PCCA: variants seen among roughly 807,000 people sequenced by gnomAD.
PCCA encodes propionyl-CoA carboxylase alpha chain, mitochondrial.
A neutral mutation model predicts 101.3 loss-of-function variants in PCCA; 74 were observed. The observed-to-expected ratio is 0.73, with a 90% CI of 0.61 to 0.89. The LOEUF is 0.89. Among genes scored for constraint, PCCA ranks in the 40% least tolerant of loss-of-function variants. The pLI, the probability that PCCA is intolerant of heterozygous loss-of-function variation, is 0.00. For missense variants in PCCA, 891 were observed against 907.0 expected, an observed-to-expected ratio of 0.98 and a Z score of 0.23; for synonymous variants, 294 against 313.6, an observed-to-expected ratio of 0.94 and a Z score of 0.66.
intron 20 of PCCA, among the ~76,000 whole-genome samples, chr13:100,428,362 C>T (rs968320649): frequency 8.2e-5 from 12 of 145,840 alleles, no homozygotes; most frequent in Admixed American, 2.1e-4. Context: ...ACCCCCCCCA[C>T]ACCCTCAGCC....
intron 4 of PCCA, among the ~76,000 whole-genome samples, chr13:100,125,260 T>C (rs2049845011): frequency 6.6e-6 from 1 of 152,186 alleles, no homozygotes; most frequent in Non-Finnish European, 1.5e-5. Flanking sequence ...TGTTTCACAG[T>C]TGGTCTTAAT....
intron 6 of PCCA, among the ~76,000 whole-genome samples, chr13:100,185,117 GT>G (rs1242812153): frequency 3.9e-5 from 6 of 152,188 alleles, no homozygotes; most frequent in African/African-American, 1.4e-4. Flanking sequence ...CCCTTTGCAT[GT>G]TCCCTTCAAA....
At chr13:100,123,166 A>G (rs1017710341) in intron 4 of PCCA, among the ~76,000 whole-genome samples, 1 of 151,642 alleles carries the variant, frequency 6.6e-6, no homozygotes, top group Non-Finnish European at 1.5e-5. Flanking sequence ...AAGCATTCTC[A>G]TGCCTCAGCC....
chr13:100,315,692 G>T (rs1411427525), intron 16 of PCCA, among the ~76,000 whole-genome samples: 2 of 152,178 alleles, frequency 1.3e-5, no homozygotes, highest in African/African-American at 4.8e-5. Flanking sequence ...TTTGGAACCA[G>T]CAGGCAGTCA....
intron 1 of PCCA, among the ~76,000 whole-genome samples, chr13:100,089,689 C>T (rs1329802780): frequency 6.6e-6 from 1 of 152,186 alleles, no homozygotes; most frequent in East Asian, 1.9e-4. Context: ...GTGAGTTTGT[C>T]TTATCTTTTA....
chr13:100,485,589 T>C (rs1177264582), intron 21 of PCCA, among the ~76,000 whole-genome samples: 1 of 152,228 alleles, frequency 6.6e-6, no homozygotes, highest in Admixed American at 6.5e-5. Context: ...TGTTAATTTT[T>C]CTGGCAAGAG....
At chr13:100,321,603 G>GTA (rs2068051060) in intron 16 of PCCA, among the ~76,000 whole-genome samples, 1 of 133,860 alleles carries the variant, frequency 7.5e-6, no homozygotes, top group South Asian at 2.3e-4. Context: ...GTGTGTGTGT[G>GTA]TGTGTGTGTG....
At chr13:100,154,235 C>T (rs1165433500) in intron 4 of PCCA, among the ~76,000 whole-genome samples, 1 of 152,132 alleles carries the variant, frequency 6.6e-6, no homozygotes, top group Non-Finnish European at 1.5e-5. Flanking sequence ...CCTTTTAGAA[C>T]TAAGCAGTTT....
At chr13:100,386,939 A>C (rs2076542456) in intron 19 of PCCA, among the ~76,000 whole-genome samples, 1 of 152,146 alleles carries the variant, frequency 6.6e-6, no homozygotes, top group Non-Finnish European at 1.5e-5. Flanking sequence ...TTTTTAAAAA[A>C]CATTTCAAAA....
intron 6 of PCCA, among the ~76,000 whole-genome samples, chr13:100,167,067 A>G (rs1446697012): frequency 6.6e-6 from 1 of 152,170 alleles, no homozygotes; most frequent in Non-Finnish European, 1.5e-5. Flanking sequence ...TGTCTTATTT[A>G]GACATATTAG....
chr13:100,481,349 G>C (rs1286153881), intron 21 of PCCA, among the ~76,000 whole-genome samples: 4 of 152,050 alleles, frequency 2.6e-5, no homozygotes, highest in Non-Finnish European at 5.9e-5. Context: ...CTTGAGCTCG[G>C]GAGTTTGAGA....
chr13:100,114,567 T>C (rs1329943828), intron 4 of PCCA, among the ~76,000 whole-genome samples: 5 of 152,068 alleles, frequency 3.3e-5, no homozygotes, highest in Admixed American at 1.3e-4. Flanking sequence ...CACTGCGCTG[T>C]AGCGTGGGCG....
At chr13:100,443,305 A>G (rs191697620) in intron 20 of PCCA, among the ~76,000 whole-genome samples, 86 of 152,202 alleles carry the variant, frequency 5.7e-4, no homozygotes, top group African/African-American at 2.0e-3. Flanking sequence ...TTTTTTAAAA[A>G]TTGGCTGGGT....
At chr13:100,107,006 C>T (rs182475207) in intron 2 of PCCA, among the ~76,000 whole-genome samples, 10 of 152,296 alleles carry the variant, frequency 6.6e-5, no homozygotes, top group African/African-American at 9.6e-5. Flanking sequence ...TTCTCCTTCC[C>T]GGATTCCTGC....
chr13:100,091,452 C>G (rs754249735), intron 1 of PCCA, among the ~76,000 whole-genome samples: 2 of 152,076 alleles, frequency 1.3e-5, no homozygotes, highest in African/African-American at 4.8e-5. Context: ...ATGTTTGTGC[C>G]GGTAAAGAAT....
rs1341440844 is a variant in PCCA at position 100,442,637 on chromosome 13, GA to G, written c.1846-6613del. Among the ~76,000 whole-genome samples, 3 of 152,306 alleles carry G rather than the reference GA, an allele frequency of 2.0e-5. No individual in the cohort carries two copies. The East Asian group carries it at 5.8e-4, about 29-fold the overall frequency. On this transcript the variant is annotated intron_variant, in intron 20 of 23. Coordinates refer to ENST00000376285, the MANE Select transcript of PCCA (RefSeq NM_000282.4). ...TTCTAGACTCTGCAGATAGAACAAG[GA>G]ACAAGACTTACCTTCCAGCAGGGGG...
At chr13:100,300,925 C>T (rs1431336591) in intron 12 of PCCA, among the ~76,000 whole-genome samples, 3 of 152,050 alleles carry the variant, frequency 2.0e-5, no homozygotes, top group Non-Finnish European at 4.4e-5. Context: ...GGAGGGAAAG[C>T]AACCTGAAGG....
intron 1 of PCCA, among the ~76,000 whole-genome samples, chr13:100,095,987 T>C (rs1445018315): frequency 6.6e-6 from 1 of 152,106 alleles, no homozygotes; most frequent in African/African-American, 2.4e-5. Flanking sequence ...AAGACCAAGC[T>C]AGAGATGATG....
At chr13:100,400,895 G>A (rs2077322874) in intron 19 of PCCA, among the ~76,000 whole-genome samples, 1 of 152,020 alleles carries the variant, frequency 6.6e-6, no homozygotes, top group African/African-American at 2.4e-5. Flanking sequence ...CAAAGTGTTA[G>A]GATTACAGGC....
Sources: gnomAD v4.1 joint callset for allele counts (sites outside exome capture counted in the v4.1 genomes callset) on GRCh38, gnomAD v4.1.1 for gene constraint, MANE v1.5 for transcripts, NCBI Gene and HGNC (gene_info 2026-07-23, HGNC 2026-07-21) for gene names.